CDH13: variants seen among roughly 807,000 people sequenced by gnomAD.
CDH13 encodes cadherin 13.
A neutral mutation model predicts 63.8 loss-of-function variants in CDH13; 24 were observed. The ratio of observed to expected loss-of-function variants is 0.38; its 90% CI spans 0.27 to 0.53. The LOEUF (loss-of-function observed/expected upper bound fraction) is 0.53, where lower values mean the gene tolerates loss of function less well. Among genes scored for constraint, CDH13 ranks in the 20% least tolerant of loss-of-function variants. The pLI is 0.85. For missense variants in CDH13, 1,049 were observed against 903.1 expected (o/e 1.16, Z -2.07); for synonymous variants, 503 against 355.3 (o/e 1.42, Z -4.67).
At chr16:83,456,479 G>A (rs1018449786) in intron 6 of CDH13, among the ~76,000 whole-genome samples, 1 of 152,192 alleles carries the variant, frequency 6.6e-6, no homozygotes, top group African/African-American at 2.4e-5. Flanking sequence ...GAATGCACGG[G>A]GAACCCTGGG....
chr16:82,657,570 C>T (rs1911443671), intron 1 of CDH13, among the ~76,000 whole-genome samples: 1 of 152,178 alleles, frequency 6.6e-6, no homozygotes, highest in African/African-American at 2.4e-5. Context: ...CTGTGATTGA[C>T]CACAGTTGAG....
At chr16:82,722,862 G>A (rs776129381) in intron 1 of CDH13, among the ~76,000 whole-genome samples, 3 of 152,126 alleles carry the variant, frequency 2.0e-5, no homozygotes, top group Non-Finnish European at 4.4e-5. Context: ...CTGATTTGAT[G>A]GCATGTCCAG....
intron 8 of CDH13, among the ~76,000 whole-genome samples, chr16:83,665,629 A>G (rs1258965291): frequency 3.9e-5 from 6 of 152,146 alleles, no homozygotes; most frequent in Non-Finnish European, 2.9e-5. Flanking sequence ...TTCAAGTTCC[A>G]TATTAGTTCT....
intron 2 of CDH13, among the ~76,000 whole-genome samples, chr16:82,921,721 A>G (rs1418384956): frequency 6.6e-6 from 1 of 152,110 alleles, no homozygotes; most frequent in Non-Finnish European, 1.5e-5. Context: ...ATATCTTTAA[A>G]TGGCTTTGGT....
In CDH13 at chr16:83,049,709, A is replaced by G. The variant is rs191581993; in HGVS notation, c.366+17491A>G. Among the ~76,000 whole-genome samples the G allele has an allele frequency of 2.6e-5, 4 of 152,238 alleles. No homozygotes were observed. In the East Asian group the frequency reaches 7.7e-4, roughly 29 times the overall value. ...CTTCATTCCTTTTTAGGGATAAGCAATATTCCTTTATGTGGATGGACCACA... is the reference window on the plus strand; with the variant it reads ...CTTCATTCCTTTTTAGGGATAAGCAGTATTCCTTTATGTGGATGGACCACA... On this transcript the variant is annotated intron_variant, in intron 3 of 13. Coordinates refer to ENST00000567109, the MANE Select transcript of CDH13 (RefSeq NM_001257.5).
intron 1 of CDH13, among the ~76,000 whole-genome samples, chr16:82,835,342 C>G (rs1290316242): frequency 6.6e-6 from 1 of 152,128 alleles, no homozygotes; most frequent in Non-Finnish European, 1.5e-5. Context: ...AGGGAATGCT[C>G]CGTATAAATC....
chr16:82,836,222 C>T (rs747887558), intron 1 of CDH13, among the ~76,000 whole-genome samples: 3 of 152,142 alleles, frequency 2.0e-5, no homozygotes, highest in Non-Finnish European at 2.9e-5. Flanking sequence ...GATCTCGGCT[C>T]ACTGCAACCT....
At chr16:83,664,585 G>A (rs72795395) in intron 8 of CDH13, among the ~76,000 whole-genome samples, 14,454 of 150,854 alleles carry the variant, frequency 0.096, 783 homozygotes, top group East Asian at 0.21. Flanking sequence ...ACACAAACAT[G>A]ATGTGGAGGC....
chr16:83,142,168 T>TTTG (rs1567871364), intron 4 of CDH13, among the ~76,000 whole-genome samples: 29 of 149,640 alleles, frequency 1.9e-4, no homozygotes, highest in Non-Finnish European at 2.7e-4. Flanking sequence ...TTGTTTTTTT[T>TTTG]TTTTTTTTTT....
chr16:83,285,037 A>G (rs535937982), intron 5 of CDH13, among the ~76,000 whole-genome samples: 3 of 152,266 alleles, frequency 2.0e-5, no homozygotes, highest in African/African-American at 7.2e-5. Context: ...TTCTGCACCC[A>G]GTTATTCTCA....
At chr16:83,006,564 T>G (rs1024288963) in intron 2 of CDH13, among the ~76,000 whole-genome samples, 1 of 152,182 alleles carries the variant, frequency 6.6e-6, no homozygotes, top group Non-Finnish European at 1.5e-5. Context: ...TGGTGCCATT[T>G]GCTCCTTGTC....
chr16:83,281,677 G>C (rs913531407), intron 5 of CDH13, among the ~76,000 whole-genome samples: 1 of 151,884 alleles, frequency 6.6e-6, no homozygotes, highest in African/African-American at 2.4e-5. Flanking sequence ...GGTAGGCTGA[G>C]GTGTGCAGAT....
intron 8 of CDH13, among the ~76,000 whole-genome samples, chr16:83,667,493 G>A (rs756139035): frequency 4.6e-5 from 7 of 151,842 alleles, no homozygotes; most frequent in Non-Finnish European, 8.8e-5. Flanking sequence ...CCATCCATCC[G>A]TCCCATCTTC....
Position 83,627,495 on chromosome 16 carries a change from G to A in CDH13, c.1101+24901G>A, listed in dbSNP as rs929693286. Among the ~76,000 whole-genome samples, 10 of 152,124 alleles carry A rather than the reference G, an allele frequency of 6.6e-5. No homozygotes were observed. The East Asian group carries it at 1.9e-3, about 29-fold the overall frequency. ...TGGGGACTTTTATCTTTCCTCATCT[G>A]GAGTATCCACACCATTGTCCTGCCT... is the stretch of plus-strand genomic sequence containing the variant. On this transcript the variant is annotated intron_variant, in intron 8 of 13. Coordinates refer to ENST00000567109, the MANE Select transcript of CDH13 (RefSeq NM_001257.5).
chr16:83,553,794 T>C (rs1598279499), intron 7 of CDH13, among the ~76,000 whole-genome samples: 1 of 152,208 alleles, frequency 6.6e-6, no homozygotes, highest in Non-Finnish European at 1.5e-5. Context: ...TGACCTCAGG[T>C]GATCCACCTG....
At chr16:83,194,326 G>A (rs1441647700) in intron 4 of CDH13, among the ~76,000 whole-genome samples, 2 of 152,206 alleles carry the variant, frequency 1.3e-5, no homozygotes, top group African/African-American at 4.8e-5. Flanking sequence ...CTTGCTGTTA[G>A]CAGCGCAGAT....
intron 2 of CDH13, among the ~76,000 whole-genome samples, chr16:82,920,600 G>A (rs530590090): frequency 4.6e-5 from 7 of 152,324 alleles, no homozygotes; most frequent in African/African-American, 1.7e-4. Flanking sequence ...AATGCTGTCT[G>A]GTGAGGCTGT....
chr16:82,903,466 C>T (rs1041110743), intron 2 of CDH13, among the ~76,000 whole-genome samples: 9 of 152,326 alleles, frequency 5.9e-5, no homozygotes, highest in African/African-American at 1.7e-4. Flanking sequence ...AATTTTTATC[C>T]TCATCGTTTC....
At chr16:83,383,153 A>C (rs1251922296) in intron 6 of CDH13, 1 of 152,190 alleles carries the variant, frequency 6.6e-6, no homozygotes, top group Admixed American at 6.5e-5. Flanking sequence ...GTGATGCTCA[A>C]CGTGGTCCAT....
Sources: gnomAD v4.1 joint callset for allele counts (sites outside exome capture counted in the v4.1 genomes callset) on GRCh38, gnomAD v4.1.1 for gene constraint, MANE v1.5 for transcripts, NCBI Gene and HGNC (gene_info 2026-07-23, HGNC 2026-07-21) for gene names.